The following FRMD4B variants were observed in gnomAD, a reference collection of about 807,000 sequenced individuals.
The protein encoded by FRMD4B is FERM domain containing 4B.
A neutral mutation model predicts 141.5 loss-of-function variants in FRMD4B; 74 were observed. That is an observed-to-expected ratio of 0.52 (90% confidence interval 0.43 to 0.63). The LOEUF (loss-of-function observed/expected upper bound fraction) is 0.63, where lower values mean the gene tolerates loss of function less well. Among genes scored for constraint, FRMD4B ranks in the 30% least tolerant of loss-of-function variants. The pLI is 0.00. For synonymous variants in FRMD4B, 506 were observed against 467.9 expected (o/e 1.08, Z -1.05); for missense variants, 1,366 against 1,253.4 (o/e 1.09, Z -1.36).
At chr3:69,185,483 T>A (rs972244094) in intron 19 of FRMD4B, among the ~76,000 whole-genome samples, 1 of 152,106 alleles carries the variant, frequency 6.6e-6, no homozygotes, top group African/African-American at 2.4e-5. Context: ...ATACTTCCCA[T>A]CTTTGCTGAG....
chr3:69,450,406 T>C (rs1375820166), intron 1 of FRMD4B, among the ~76,000 whole-genome samples: 2 of 152,026 alleles, frequency 1.3e-5, no homozygotes, highest in African/African-American at 2.4e-5. Flanking sequence ...GGAGGATCGC[T>C]TGAGCTCAGG....
At chr3:69,536,671 TG>T in intron 1 of FRMD4B, 1 of 810,736 alleles carries the variant, frequency 1.2e-6, no homozygotes, top group Admixed American at 1.9e-5. Flanking sequence ...GAGATGTCAC[TG>T]GTGACACTCC....
intron 13 of FRMD4B, 142 bp from the exon 14 acceptor site, chr3:69,196,538 A>AAAAAAC (rs1553699007): frequency 3.5e-6 from 2 of 576,320 alleles, no homozygotes; most frequent in Non-Finnish European, 6.0e-6. Context: ...CTTCAGACCA[A>AAAAAAC]AAAACAAAAC....
chr3:69,458,887 C>T (rs1241900580), intron 1 of FRMD4B, among the ~76,000 whole-genome samples: 1 of 144,290 alleles, frequency 6.9e-6, no homozygotes, highest in Non-Finnish European at 1.5e-5. Flanking sequence ...GTCTAATTTG[C>T]TCCAAAGACC....
chr3:69,347,271 A>T (rs1047006496), intron 1 of FRMD4B, among the ~76,000 whole-genome samples: 19 of 152,256 alleles, frequency 1.2e-4, no homozygotes, highest in Non-Finnish European at 1.9e-4. Context: ...CAATTCAACC[A>T]GAAGAGCTAA....
At chr3:69,249,145 TC>T in intron 7 of FRMD4B, 80 bp downstream of exon 7, 1 of 859,800 alleles carries the variant, frequency 1.2e-6, no homozygotes, top group Middle Eastern at 2.3e-4. Flanking sequence ...TGATTTTGTA[TC>T]CATTGTTATT....
In FRMD4B at chr3:69,181,362, A is replaced by C. The variant is rs1327873272; in HGVS notation, c.2388T>G (p.Ser796Arg). The C allele has an allele frequency of 2.5e-6, 4 of 1,613,368 alleles. No homozygotes were observed. The highest frequency in any genetic ancestry group is 3.4e-6 in the Non-Finnish European group (4 of 1,179,716). Residue 796 changes from serine to arginine, a missense_variant, in exon 21 of 23, where the codon AGT becomes AGG. By Grantham distance (110) the Ser-to-Arg change is moderately radical. Transcript: ENST00000398540. ...DSLRNGVYSK[S>R]QEPPSSSYYI... ...AGTAACTGGAAGACGGTGGCTCCTG[A>C]CTCTTTGAGTAAACACCATTCCTCA...
intron 11 of FRMD4B, among the ~76,000 whole-genome samples, chr3:69,215,048 T>G (rs4855300): frequency 0.012 from 1,885 of 151,438 alleles, 65 homozygotes; most frequent in East Asian, 0.071. Context: ...CCCAGCTCAT[T>G]TTTTGTATTT....
upstream of FRMD4B, among the ~76,000 whole-genome samples, chr3:69,388,496 G>A (rs138335160): frequency 9.5e-4 from 144 of 152,158 alleles, no homozygotes; most frequent in African/African-American, 3.3e-3. Flanking sequence ...GGAGGATTCC[G>A]ACTCATGCTA....
At chr3:69,344,660 C>A (rs907594726) in intron 1 of FRMD4B, among the ~76,000 whole-genome samples, 1 of 152,170 alleles carries the variant, frequency 6.6e-6, no homozygotes, top group Non-Finnish European at 1.5e-5. Context: ...CCACACCATA[C>A]TGTTGTATAG....
intron 1 of FRMD4B, among the ~76,000 whole-genome samples, chr3:69,487,874 G>C (rs759281648): frequency 6.6e-6 from 1 of 152,086 alleles, no homozygotes; most frequent in Non-Finnish European, 1.5e-5. Context: ...CAAAAACCTT[G>C]CTAAATTGAG....
At chr3:69,323,985 G>T (rs1277475430) in intron 1 of FRMD4B, among the ~76,000 whole-genome samples, 1 of 152,136 alleles carries the variant, frequency 6.6e-6, no homozygotes, top group Admixed American at 6.5e-5. Context: ...CCAAACCAGA[G>T]TTGGCTGGTT....
At chr3:69,521,980 T>C (rs1700860915) in intron 1 of FRMD4B, among the ~76,000 whole-genome samples, 1 of 152,218 alleles carries the variant, frequency 6.6e-6, no homozygotes, top group African/African-American at 2.4e-5. Flanking sequence ...GTTTCCTGAA[T>C]GAATAAATCA....
At chr3:69,283,636 C>T (rs2093654372) in intron 5 of FRMD4B, among the ~76,000 whole-genome samples, 1 of 152,146 alleles carries the variant, frequency 6.6e-6, no homozygotes, top group Non-Finnish European at 1.5e-5. Context: ...TCAATGCCAA[C>T]TAGGCAGTGA....
intron 1 of FRMD4B, among the ~76,000 whole-genome samples, chr3:69,382,260 G>A (rs564965822): frequency 7.2e-5 from 11 of 152,260 alleles, no homozygotes; most frequent in Admixed American, 3.3e-4. Flanking sequence ...GGCTGGTCTC[G>A]AACTCGTAAG....
intron 4 of FRMD4B, among the ~76,000 whole-genome samples, chr3:69,290,918 A>G (rs1025865250): frequency 2.0e-5 from 3 of 152,224 alleles, no homozygotes; most frequent in Non-Finnish European, 2.9e-5. Context: ...AGCACTCAGC[A>G]GGAAGCTGAA....
Position 69,311,295 on chromosome 3 carries a change from CT to C in FRMD4B, c.290del (p.Lys97ArgfsTer6). ...LVASHFNLKE[K>X]EYFGITFIDD... The stretch of plus-strand genomic sequence containing the variant: ...CTATGAATGTTATTCCAAAATACTC[CT>C]TTTCTTTCAGGTTGAAATGTGAAGC... On this transcript the variant is annotated frameshift_variant, in exon 3 of 23. Coordinates refer to ENST00000398540, the MANE Select transcript of FRMD4B (RefSeq NM_015123.3). LOFTEE classifies it high-confidence loss of function. 2 of 1,586,312 alleles carry C rather than the reference CT, an allele frequency of 1.3e-6. No individual in the cohort carries two copies. The highest frequency in any genetic ancestry group is 1.7e-6 in the Non-Finnish European group (2 of 1,155,380).
chr3:69,319,157 T>C (rs1701908531), intron 1 of FRMD4B, among the ~76,000 whole-genome samples: 1 of 152,264 alleles, frequency 6.6e-6, no homozygotes, highest in African/African-American at 2.4e-5. Context: ...AATTAAGGCC[T>C]GACAAGTGAT....
chr3:69,417,654 A>G (rs755478862), intron 2 of FRMD4B, among the ~76,000 whole-genome samples: 32 of 152,138 alleles, frequency 2.1e-4, no homozygotes, highest in Middle Eastern at 3.2e-3. Flanking sequence ...CCTAGGGCAA[A>G]CCTGATTCTA....
Sources: gnomAD v4.1 joint callset for allele counts (sites outside exome capture counted in the v4.1 genomes callset) on GRCh38, gnomAD v4.1.1 for gene constraint, MANE v1.5 for transcripts, NCBI Gene and HGNC (gene_info 2026-07-23, HGNC 2026-07-21) for gene names.